The following GRAMD1C variants were observed in gnomAD, a reference collection of about 807,000 sequenced individuals.
GRAMD1C encodes protein Aster-C.
In GRAMD1C, 89 loss-of-function variants were observed where a neutral mutation model predicts 97.8. The observed-to-expected ratio is 0.91, with a 90% CI of 0.77 to 1.09. GRAMD1C has a LOEUF of 1.09. GRAMD1C is among the 50% of genes least tolerant of loss of function. The probability of loss-of-function intolerance (pLI) is 0.00; values close to 1 mark genes in which losing one functional copy is unlikely to be tolerated. For synonymous variants in GRAMD1C, 256 were observed against 267.0 expected (o/e 0.96, Z 0.40); for missense variants, 740 against 766.4 (o/e 0.97, Z 0.41).
In GRAMD1C at chr3:113,862,984, T is replaced by C. The variant is rs1182202688; in HGVS notation, c.175-6523T>C. ...AGAAGTTAAAACTCTCATACATTGC[T>C]GGTGGGAATGTAAAATGGTACAGGC... On this transcript the variant is annotated intron_variant, in intron 2 of 17. Transcript: ENST00000358160. 1.1e-4 allele frequency among the ~76,000 whole-genome samples: 17 copies of C among 152,166 alleles called. 1 individual carries two copies. Among genetic ancestry groups the C allele is most frequent in the Admixed American group, 1.1e-3 (17 of 15,254 alleles).
In GRAMD1C at chr3:113,882,873, C is replaced by T. The variant is rs755258598; in HGVS notation, c.540+41C>T. ...AGAGGCAGTTGCTTATTATAAGAAC[C>T]TCCTAGTGTATTTGTGAATTGAAGA... On this transcript the variant is annotated intron_variant, in intron 6 of 17. Transcript: ENST00000358160. 22 of 914,752 alleles carry T rather than the reference C, an allele frequency of 2.4e-5. No homozygotes were observed. The East Asian group carries it at 2.4e-4, about 10-fold the overall frequency. The allele number at this position is 914,752 out of a possible 1,614,324, so 56.7% of individuals were successfully genotyped here. A position where few individuals can be genotyped will look rare whatever the true frequency, so the allele number is the denominator to read the frequency against.
intron 6 of GRAMD1C, among the ~76,000 whole-genome samples, chr3:113,884,043 G>A (rs999146307): frequency 4.6e-5 from 7 of 152,084 alleles, no homozygotes; most frequent in African/African-American, 1.4e-4. Context: ...TTCAATGAGA[G>A]ATAGAACAAC....
In GRAMD1C at chr3:113,838,942, C is replaced by CA; in HGVS notation, c.27+6_27+7insA. On this transcript the variant is annotated splice_region_variant and intron_variant, in intron 1 of 17. Coordinates refer to ENST00000358160, the MANE Select transcript of GRAMD1C (RefSeq NM_017577.5). Reference sequence around the variant, plus strand: ...GCGCTCCGACTGTCCGTCAGGTAAGCCGCGGGCCTCGCTGGGGCAGGTTCC... The same window carrying CA: ...GCGCTCCGACTGTCCGTCAGGTAAGCACGCGGGCCTCGCTGGGGCAGGTTCC... The CA allele has an allele frequency of 1.5e-3, 1 of 660 alleles. No individual in the cohort carries two copies. The allele number at this position is 660 out of a possible 1,614,324, so 0.0% of individuals were successfully genotyped here. A position where few individuals can be genotyped will look rare whatever the true frequency, so the allele number is the denominator to read the frequency against.
rs1410939672 is a variant in GRAMD1C, at chr3:113,904,209, TAC to T, written c.727_728del (p.Thr243GlnfsTer2). The T allele has an allele frequency of 1.2e-6, 2 of 1,607,958 alleles. No homozygotes were observed. The highest frequency in any genetic ancestry group is 2.7e-5 in the African/African-American group (2 of 74,806). On this transcript the variant is annotated frameshift_variant, in exon 8 of 18. Coordinates refer to ENST00000358160, the MANE Select transcript of GRAMD1C (RefSeq NM_017577.5). LOFTEE classifies it high-confidence loss of function. The part of the protein sequence containing the change: ...DEKLSKSISF[T>X]SESISRVSET... ...AAAAATTATCCAAGTCAATCAGTTT[TAC>T]CAGTGAATCAATTAGTCGGGTTTCA...
chr3:113,853,937 A>G (rs528504098), intron 2 of GRAMD1C, among the ~76,000 whole-genome samples: 5 of 152,146 alleles, frequency 3.3e-5, no homozygotes, highest in Non-Finnish European at 7.4e-5. Flanking sequence ...AGGGTGTTCT[A>G]TGGAAAGGCT....
chr3:113,935,027 C>T (rs988261870), intron 13 of GRAMD1C, among the ~76,000 whole-genome samples: 10 of 152,172 alleles, frequency 6.6e-5, no homozygotes, highest in Non-Finnish European at 1.3e-4. Flanking sequence ...AGGTGTGAGG[C>T]ACCACCGTGC....
rs577157034 is a variant in GRAMD1C at position 113,830,363 on chromosome 3, G to GC, written n.98+2085dup. The stretch of plus-strand genomic sequence containing the variant: ...GGCACTGAGGCTGGCATTCACCTGT[G>GC]CAAGCTTTTTAGCTTGCTTATCTAT... On this transcript the variant is annotated intron_variant and non_coding_transcript_variant, in intron 1 of 18. Transcript: ENST00000479212. 1.6e-4 allele frequency among the ~76,000 whole-genome samples: 25 copies of GC among 151,700 alleles called. No homozygotes were observed. The East Asian group carries it at 4.2e-3, about 26-fold the overall frequency.
At chr3:113,892,612 ACAAT>A (rs1462792092) in intron 6 of GRAMD1C, among the ~76,000 whole-genome samples, 35 of 152,328 alleles carry the variant, frequency 2.3e-4, no homozygotes, top group Non-Finnish European at 4.0e-4. Flanking sequence ...CTCTGTCACT[ACAAT>A]CATTCGTGAC....
In GRAMD1C at chr3:113,936,288, A is replaced by G. The variant is rs140812424; in HGVS notation, c.1479A>G (p.Glu493=). The G allele has an allele frequency of 2.5e-6, 4 of 1,587,172 alleles. No individual in the cohort carries two copies. Among genetic ancestry groups the G allele is most frequent in the Non-Finnish European group, 3.4e-6 (4 of 1,166,054 alleles). The part of the protein sequence containing the change: ...KQLESDLLIE[E]SVLNQAIEDP... ...TAGAATCAGATTTGTTAATTGAAGA[A>G]TCTGTATTAAATCAGGCCATTGAAG... The change falls in exon 14 of 18, where the codon GAA becomes GAG. Residue 493 remains glutamate, a synonymous_variant. Transcript: ENST00000358160.
At chr3:113,903,638 C>T (rs1228201372) in intron 7 of GRAMD1C, among the ~76,000 whole-genome samples, 1 of 152,074 alleles carries the variant, frequency 6.6e-6, no homozygotes, top group Non-Finnish European at 1.5e-5. Flanking sequence ...GTTCTTAGGG[C>T]TGGGAAGAGT....
intron 6 of GRAMD1C, among the ~76,000 whole-genome samples, chr3:113,891,620 C>G (rs1318840966): frequency 6.6e-6 from 1 of 151,744 alleles, no homozygotes; most frequent in Non-Finnish European, 1.5e-5. Flanking sequence ...GTGACTCATG[C>G]TTGTAATCCC....
At chr3:113,866,196 T>C (rs1934579505) in intron 2 of GRAMD1C, among the ~76,000 whole-genome samples, 1 of 152,202 alleles carries the variant, frequency 6.6e-6, no homozygotes, top group East Asian at 1.9e-4. Context: ...TCCAACTTAT[T>C]GAATAGTCTG....
chr3:113,844,630 G>C lies in GRAMD1C; in HGVS notation c.155G>C (p.Ser52Thr). 6.3e-7 allele frequency: 1 copy of C among 1,594,284 alleles called. No individual in the cohort carries two copies. The highest frequency in any genetic ancestry group is 8.5e-7 in the Non-Finnish European group (1 of 1,172,322). Residue 52 changes from serine to threonine, a missense_variant, in exon 2 of 18, where the codon AGT (serine) becomes ACT (threonine). Coordinates refer to ENST00000358160, the MANE Select transcript of GRAMD1C (RefSeq NM_017577.5). ...KKQGPNLHNW[S>T]GDWSFWISSS... ...CAGGGGCCAAATTTACATAATTGGA[G>C]TGGTGACTGGAGCTTTTGGGTAATT...
At chr3:113,833,433 G>A (rs559047051) in intron 1 of GRAMD1C, among the ~76,000 whole-genome samples, 7 of 151,954 alleles carry the variant, frequency 4.6e-5, no homozygotes, top group Middle Eastern at 3.4e-3. Flanking sequence ...CACCATGCCC[G>A]GCCCAAATGT....
intron 10 of GRAMD1C, among the ~76,000 whole-genome samples, chr3:113,918,733 T>C (rs1019716124): frequency 6.6e-6 from 1 of 152,248 alleles, no homozygotes; most frequent in Non-Finnish European, 1.5e-5. Flanking sequence ...TCTTGCTCTG[T>C]TGCCCAGTCT....
At chr3:113,857,633 C>T (rs1215320085) in intron 2 of GRAMD1C, among the ~76,000 whole-genome samples, 1 of 152,198 alleles carries the variant, frequency 6.6e-6, no homozygotes, top group Non-Finnish European at 1.5e-5. Context: ...ACCTTGGCCT[C>T]CCAAAGTGCT....
At chr3:113,919,198 G>A (rs141122730) in intron 10 of GRAMD1C, 13 of 347,408 alleles carry the variant, frequency 3.7e-5, no homozygotes, top group South Asian at 1.2e-4. Flanking sequence ...GTAAAGTAGC[G>A]GGGATGTGGT....
chr3:113,858,835 A>AG (rs147495086), intron 2 of GRAMD1C, among the ~76,000 whole-genome samples: 1,966 of 152,260 alleles, frequency 0.013, 29 homozygotes, highest in Middle Eastern at 0.037. Flanking sequence ...CTAAGATTAC[A>AG]GGTGTGAGCC....
intron 10 of GRAMD1C, among the ~76,000 whole-genome samples, 189 bp from the exon 11 acceptor site, chr3:113,930,525 A>C (rs1937376181): frequency 6.6e-6 from 1 of 152,254 alleles, no homozygotes; most frequent in African/African-American, 2.4e-5. Context: ...GGAATATGCC[A>C]CATTTAAGGA....
Sources: gnomAD v4.1 joint callset for allele counts (sites outside exome capture counted in the v4.1 genomes callset) on GRCh38, gnomAD v4.1.1 for gene constraint, MANE v1.5 for transcripts, NCBI Gene and HGNC (gene_info 2026-07-23, HGNC 2026-07-21) for gene names.